MAST4: variants seen among roughly 807,000 people sequenced by gnomAD.
MAST4 encodes the protein microtubule associated serine/threonine kinase family member 4.
A neutral mutation model predicts 162.7 loss-of-function variants in MAST4; 89 were observed. The ratio of observed to expected loss-of-function variants is 0.55; its 90% CI spans 0.46 to 0.65. The LOEUF (loss-of-function observed/expected upper bound fraction) is 0.65, where lower values mean the gene tolerates loss of function less well. Among genes scored for constraint, MAST4 ranks in the 30% least tolerant of loss-of-function variants. The probability of loss-of-function intolerance (pLI) is 0.00; values close to 1 mark genes in which losing one functional copy is unlikely to be tolerated. For missense variants in MAST4, 3,153 were observed against 3,374.0 expected (o/e 0.93, Z 1.62); for synonymous variants, 1,479 against 1,361.1 (o/e 1.09, Z -1.91).
chr5:66,849,315 G>A (rs974665107), intron 3 of MAST4, among the ~76,000 whole-genome samples: 1 of 152,078 alleles, frequency 6.6e-6, no homozygotes, highest in Non-Finnish European at 1.5e-5. Flanking sequence ...TCAAGTCTTC[G>A]CTAAGGAAAC....
chr5:66,766,049 T>C (rs1294939495), intron 2 of MAST4, among the ~76,000 whole-genome samples: 1 of 152,172 alleles, frequency 6.6e-6, no homozygotes, highest in African/African-American at 2.4e-5. Flanking sequence ...ATTATTCTAA[T>C]CATTATAGAG....
chr5:66,955,940 A>G (rs971796823), intron 4 of MAST4, among the ~76,000 whole-genome samples: 1 of 151,220 alleles, frequency 6.6e-6, no homozygotes, highest in African/African-American at 2.4e-5. Context: ...TAAAAAGTTC[A>G]TATATTACAA....
At chr5:66,700,160 T>C (rs965920236) in intron 1 of MAST4, among the ~76,000 whole-genome samples, 3 of 152,250 alleles carry the variant, frequency 2.0e-5, no homozygotes, top group Non-Finnish European at 4.4e-5. Context: ...TGGAAACTGA[T>C]AATTTTGTTT....
intron 4 of MAST4, among the ~76,000 whole-genome samples, chr5:66,928,693 CT>C (rs1294504039): frequency 1.3e-5 from 2 of 152,098 alleles, no homozygotes; most frequent in African/African-American, 2.4e-5. Flanking sequence ...CAGAGCACAG[CT>C]TTGTATGTTG....
chr5:67,120,637 C>T (rs1767467387), intron 13 of MAST4, among the ~76,000 whole-genome samples: 1 of 152,152 alleles, frequency 6.6e-6, no homozygotes, highest in African/African-American at 2.4e-5. Flanking sequence ...AGGGATAGAG[C>T]CCCATGTAGA....
intron 5 of MAST4, among the ~76,000 whole-genome samples, chr5:67,079,449 C>A (rs1561623575): frequency 6.6e-6 from 1 of 152,062 alleles, no homozygotes; most frequent in East Asian, 1.9e-4. Context: ...TAGATAGGTA[C>A]ATACCCTATC....
chr5:67,102,013 A>G lies in MAST4; in HGVS notation c.1071-523A>G, dbSNP rs569773588. Reference sequence around the variant, plus strand: ...CATAATGCCTACCTCAGCATCCTAGATAAATATTTGCTAGGCTAGAAAATG... The same window carrying G: ...CATAATGCCTACCTCAGCATCCTAGGTAAATATTTGCTAGGCTAGAAAATG... On this transcript the variant is annotated intron_variant, in intron 8 of 28. Coordinates refer to ENST00000403625, the MANE Select transcript of MAST4 (RefSeq NM_001164664.2). 2.9e-4 allele frequency among the ~76,000 whole-genome samples: 44 copies of G among 150,022 alleles called. No individual in the cohort carries two copies. The South Asian group carries it at 9.3e-3, about 32-fold the overall frequency.
At chr5:67,094,898 G>C (rs1178887784) in intron 6 of MAST4, among the ~76,000 whole-genome samples, 1 of 152,128 alleles carries the variant, frequency 6.6e-6, no homozygotes, top group Non-Finnish European at 1.5e-5. Context: ...TCTATCACTG[G>C]TGGAGAAGGT....
intron 1 of MAST4, among the ~76,000 whole-genome samples, chr5:66,648,003 G>T (rs1745957379): frequency 6.6e-6 from 1 of 150,778 alleles, no homozygotes; most frequent in Non-Finnish European, 1.5e-5. Context: ...CTTCATCTGA[G>T]TGGTTAATGT....
intron 1 of MAST4, among the ~76,000 whole-genome samples, chr5:66,718,808 C>T (rs148825097): frequency 2.6e-5 from 4 of 152,172 alleles, no homozygotes; most frequent in Non-Finnish European, 4.4e-5. Flanking sequence ...TGTTCCCTCT[C>T]GAGCTATTCC....
chr5:67,042,893 T>C (rs1183977900), intron 4 of MAST4, among the ~76,000 whole-genome samples: 1 of 152,228 alleles, frequency 6.6e-6, no homozygotes, highest in Non-Finnish European at 1.5e-5. Flanking sequence ...TATTTGTATG[T>C]TTGTGTTCCG....
intron 2 of MAST4, among the ~76,000 whole-genome samples, chr5:66,763,900 A>G (rs1753965373): frequency 6.6e-6 from 1 of 152,196 alleles, no homozygotes; most frequent in Non-Finnish European, 1.5e-5. Context: ...GAGGAGGAGG[A>G]AAACAATTAC....
chr5:67,088,386 T>C (rs374757563), intron 5 of MAST4, among the ~76,000 whole-genome samples: 2 of 152,250 alleles, frequency 1.3e-5, no homozygotes, highest in East Asian at 3.8e-4. Flanking sequence ...AATTATTTAC[T>C]GGTAGTTTGC....
chr5:67,110,996 C>G (rs1484450557), intron 11 of MAST4, among the ~76,000 whole-genome samples: 1 of 152,090 alleles, frequency 6.6e-6, no homozygotes, highest in Non-Finnish European at 1.5e-5. Context: ...TGCACTCCAG[C>G]CTGAGTGACA....
chr5:66,824,501 G>A (rs950938299), intron 3 of MAST4, among the ~76,000 whole-genome samples: 1 of 152,250 alleles, frequency 6.6e-6, no homozygotes, highest in Non-Finnish European at 1.5e-5. Context: ...GTGGAATGGA[G>A]TGGGAACTCC....
At chr5:66,688,306 A>G (rs1371596021) in intron 1 of MAST4, among the ~76,000 whole-genome samples, 5 of 152,204 alleles carry the variant, frequency 3.3e-5, no homozygotes, top group Non-Finnish European at 7.3e-5. Flanking sequence ...ACTCAAATGG[A>G]TATGAAGTAA....
At chr5:66,700,143 G>A (rs1356617609) in intron 1 of MAST4, among the ~76,000 whole-genome samples, 1 of 152,124 alleles carries the variant, frequency 6.6e-6, no homozygotes, top group Non-Finnish European at 1.5e-5. Context: ...GGGTGTTATG[G>A]CCAAAATGGA....
At chr5:66,740,301 C>G (rs1248529802) in intron 1 of MAST4, among the ~76,000 whole-genome samples, 1 of 152,188 alleles carries the variant, frequency 6.6e-6, no homozygotes, top group African/African-American at 2.4e-5. Flanking sequence ...TGTCTTGGCT[C>G]AGAACATTGG....
In MAST4 at chr5:67,168,863, G is replaced by C. The variant is rs546975624; in HGVS notation, c.*1812G>C. ...TTAACCGACTGCTCAGTTGTCCTTC[G>C]TTGTAAAATGAATTGGCTTTGGGAA... On this transcript the variant is annotated 3_prime_UTR_variant, in exon 29 of 29. Transcript: ENST00000403625. 6.6e-6 allele frequency: 1 copy of C among 151,764 alleles called. No homozygotes were observed. 9.4% of individuals were successfully genotyped at this position (151,764 alleles called of 1,614,324 possible).
Sources: allele counts gnomAD v4.1 joint callset (sites outside exome capture counted in the v4.1 genomes callset), GRCh38; gene constraint gnomAD v4.1.1; transcripts MANE v1.5; gene names NCBI Gene and HGNC (gene_info 2026-07-23, HGNC 2026-07-21).